The following FNDC3A variants were observed in gnomAD, a reference collection of about 807,000 sequenced individuals.
FNDC3A encodes the protein fibronectin type III domain containing 3A.
A neutral mutation model predicts 148.9 loss-of-function variants in FNDC3A; 32 were observed. The observed-to-expected ratio is 0.21, with a 90% CI of 0.16 to 0.29. FNDC3A has a LOEUF of 0.29. FNDC3A is among the 10% of genes least tolerant of loss of function. The pLI is 1.00. For missense variants in FNDC3A, 1,191 were observed against 1,452.8 expected (o/e 0.82, Z 2.93); for synonymous variants, 472 against 473.6 (o/e 1.00, Z 0.04).
intron 3 of FNDC3A, among the ~76,000 whole-genome samples, chr13:49,085,908 A>G (rs1476454158): frequency 6.7e-6 from 1 of 149,270 alleles, no homozygotes; most frequent in African/African-American, 2.5e-5. Context: ...CTTGAGACCA[A>G]GTCTTACTGT....
chr13:49,152,364 A>G (rs1399726355), intron 8 of FNDC3A, among the ~76,000 whole-genome samples: 1 of 152,232 alleles, frequency 6.6e-6, no homozygotes, highest in Non-Finnish European at 1.5e-5. Context: ...TGTTGGCTGC[A>G]TGAATGTCTT....
chr13:49,071,349 T>TA (rs1877676261), intron 2 of FNDC3A, among the ~76,000 whole-genome samples: 1 of 152,190 alleles, frequency 6.6e-6, no homozygotes, highest in South Asian at 2.1e-4. Context: ...GGAATACAAA[T>TA]ATCTCTTTGA....
chr13:49,019,173 G>A (rs1273097767), intron 2 of FNDC3A, among the ~76,000 whole-genome samples: 1 of 152,216 alleles, frequency 6.6e-6, no homozygotes, highest in African/African-American at 2.4e-5. Flanking sequence ...GAGCAAGCCT[G>A]GGCAATGGCG....
chr13:49,015,627 C>G (rs1952481602), intron 2 of FNDC3A, among the ~76,000 whole-genome samples: 1 of 152,270 alleles, frequency 6.6e-6, no homozygotes, highest in Non-Finnish European at 1.5e-5. Flanking sequence ...CCAGAACTTC[C>G]AACACTATGT....
chr13:49,045,760 A>G, intron 2 of FNDC3A: 2 of 660,476 alleles, frequency 3.0e-6, no homozygotes, highest in South Asian at 1.9e-5. Context: ...TTTGATTTTG[A>G]CAGCATAGCA....
In FNDC3A at chr13:49,035,413, C is replaced by A. The variant is rs567894507; in HGVS notation, c.99+29124C>A. Among the ~76,000 whole-genome samples the A allele has an allele frequency of 2.6e-5, 4 of 152,074 alleles. No homozygotes were observed. In the East Asian group the frequency reaches 5.8e-4, roughly 22 times the overall value. The stretch of plus-strand genomic sequence containing the variant: ...TTTTAAGAATCTCCTGTATGTCAGG[C>A]AGTATGCTGACATACAGAATATACA... On this transcript the variant is annotated intron_variant, in intron 2 of 25. Coordinates refer to ENST00000492622, the MANE Select transcript of FNDC3A (RefSeq NM_001079673.2).
intron 2 of FNDC3A, among the ~76,000 whole-genome samples, chr13:49,017,227 G>T (rs537745240): frequency 2.0e-5 from 3 of 152,102 alleles, no homozygotes; most frequent in African/African-American, 7.2e-5. Context: ...TTATTAATGT[G>T]TGGGAGTCTA....
intron 4 of FNDC3A, among the ~76,000 whole-genome samples, chr13:49,122,213 C>T (rs571543515): frequency 2.6e-5 from 4 of 152,192 alleles, no homozygotes; most frequent in East Asian, 3.9e-4. Context: ...AATCAATAAA[C>T]GTAATCTATC....
At chr13:49,188,694 C>A in intron 17 of FNDC3A, 61 bp downstream of exon 17, 1 of 934,258 alleles carries the variant, frequency 1.1e-6, no homozygotes, top group South Asian at 1.4e-5. Flanking sequence ...GGGGTAGGAT[C>A]ACCAGGTGCC....
intron 6 of FNDC3A, among the ~76,000 whole-genome samples, chr13:49,138,190 T>G (rs1353441186): frequency 6.6e-6 from 1 of 152,172 alleles, no homozygotes; most frequent in Non-Finnish European, 1.5e-5. Context: ...TGTTCATGAC[T>G]TATATATTAA....
chr13:49,113,400 A>G (rs1340687747), intron 3 of FNDC3A, among the ~76,000 whole-genome samples: 2 of 151,552 alleles, frequency 1.3e-5, no homozygotes, highest in Non-Finnish European at 2.9e-5. Context: ...CCTAGCCCTA[A>G]TTTCATCACC....
At chr13:49,042,732 G>C (rs1490573984) in intron 2 of FNDC3A, among the ~76,000 whole-genome samples, 1 of 152,080 alleles carries the variant, frequency 6.6e-6, no homozygotes, top group Non-Finnish European at 1.5e-5. Flanking sequence ...AGCTGCGATT[G>C]TGCCACTGTA....
intron 2 of FNDC3A, among the ~76,000 whole-genome samples, chr13:49,073,584 G>C (rs1341367979): frequency 2.6e-5 from 4 of 151,284 alleles, no homozygotes; most frequent in Admixed American, 2.6e-4. Flanking sequence ...CATGCTGTGT[G>C]TATAAGGTAT....
intron 2 of FNDC3A, chr13:49,045,790 CTT>C (rs11316518): frequency 0.11 from 17,648 of 161,902 alleles, 24 homozygotes; most frequent in Middle Eastern, 0.18. Flanking sequence ...AATGACAGTC[CTT>C]TTTTTTTTTT....
chr13:49,160,349 G>A (rs1271061510), intron 8 of FNDC3A, among the ~76,000 whole-genome samples: 1 of 152,198 alleles, frequency 6.6e-6, no homozygotes, highest in East Asian at 1.9e-4. Context: ...AGTCTTGGGA[G>A]GGTGTATGTG....
At chr13:49,149,157 A>G (rs1027862142) in intron 8 of FNDC3A, among the ~76,000 whole-genome samples, 6 of 149,660 alleles carry the variant, frequency 4.0e-5, no homozygotes, top group East Asian at 3.9e-4. Flanking sequence ...AAGAAGGACA[A>G]TTTGACTTTT....
chr13:49,199,026 ATTTT>A (rs757168526), intron 23 of FNDC3A, among the ~76,000 whole-genome samples: 2 of 147,226 alleles, frequency 1.4e-5, no homozygotes, highest in Non-Finnish European at 3.0e-5. Context: ...GCAGGACACA[ATTTT>A]TTTTTTTTAA....
chr13:49,025,017 C>T (rs1049611329), intron 2 of FNDC3A, among the ~76,000 whole-genome samples: 3 of 151,864 alleles, frequency 2.0e-5, no homozygotes, highest in Non-Finnish European at 2.9e-5. Flanking sequence ...TCCTAAATAG[C>T]TTTTTTGTGC....
chr13:48,977,480 T>C (rs957683885), intron 1 of FNDC3A, among the ~76,000 whole-genome samples: 15 of 152,376 alleles, frequency 9.8e-5, no homozygotes, highest in African/African-American at 3.6e-4. Context: ...TATTTAGTTT[T>C]TGCGTATTTA....
Sources: gnomAD v4.1 joint callset for allele counts (sites outside exome capture counted in the v4.1 genomes callset) on GRCh38, gnomAD v4.1.1 for gene constraint, MANE v1.5 for transcripts, NCBI Gene and HGNC (gene_info 2026-07-23, HGNC 2026-07-21) for gene names.